Variants in PCDHA4 observed in about 807,000 individuals in gnomAD.
The protein encoded by PCDHA4 is protocadherin alpha-4.
In PCDHA4, 49 loss-of-function variants were observed where a neutral mutation model predicts 61.4. The observed-to-expected ratio is 0.80, with a 90% CI of 0.63 to 1.01. The LOEUF (loss-of-function observed/expected upper bound fraction) is 1.01, where lower values mean the gene tolerates loss of function less well. Ranked by LOEUF, PCDHA4 falls within the 50% of genes least tolerant of loss-of-function variation. PCDHA4 has a pLI of 0.00. For missense variants in PCDHA4, 1,254 were observed against 1,235.8 expected (o/e 1.01, Z -0.22); for synonymous variants, 590 against 550.3 (o/e 1.07, Z -1.01).
chr5:140,828,573 A>T (rs1769832342), intron 1 of PCDHA4: 4 of 1,614,248 alleles, frequency 2.5e-6, no homozygotes, highest in Non-Finnish European at 3.4e-6. Context: ...TCCGATGCAG[A>T]TGTTGGCTCA....
intron 3 of PCDHA4, among the ~76,000 whole-genome samples, chr5:140,986,734 C>T (rs2153854061): frequency 6.6e-6 from 1 of 152,260 alleles, no homozygotes; most frequent in Non-Finnish European, 1.5e-5. Context: ...TCTCAAGACC[C>T]CAGGGGATCT....
At chr5:140,919,014 A>G (rs1008657889) in intron 1 of PCDHA4, among the ~76,000 whole-genome samples, 1 of 152,184 alleles carries the variant, frequency 6.6e-6, no homozygotes, top group Non-Finnish European at 1.5e-5. Context: ...TTCATTTCCT[A>G]GTGATCTTCT....
intron 1 of PCDHA4, chr5:140,869,260 G>A (rs976245495): frequency 6.2e-7 from 1 of 1,613,638 alleles, no homozygotes; most frequent in Non-Finnish European, 8.5e-7. Context: ...GCAGGACCTG[G>A]GGCTGGAGCT....
intron 1 of PCDHA4, chr5:140,881,297 C>T: frequency 4.3e-6 from 4 of 940,924 alleles, no homozygotes; most frequent in Non-Finnish European, 5.1e-6. Flanking sequence ...AAAATGGAAA[C>T]TTTAACCTCC....
intron 1 of PCDHA4, among the ~76,000 whole-genome samples, chr5:140,961,483 G>A (rs1365864551): frequency 6.6e-6 from 1 of 152,090 alleles, no homozygotes; most frequent in Non-Finnish European, 1.5e-5. Context: ...TCTTGTCCAC[G>A]TGAGTATATT....
chr5:140,858,114 T>C, intron 1 of PCDHA4: 1 of 1,597,256 alleles, frequency 6.3e-7, no homozygotes, highest in Non-Finnish European at 8.6e-7. Flanking sequence ...GCGCCCGAGG[T>C]GGCCCTGGTG....
At chr5:140,906,966 G>A (rs1401949243) in intron 1 of PCDHA4, among the ~76,000 whole-genome samples, 5 of 152,120 alleles carry the variant, frequency 3.3e-5, no homozygotes, top group African/African-American at 1.2e-4. Context: ...TGGAATCGTG[G>A]TTGTGTCTTC....
chr5:140,842,850 T>G (rs2150346345), intron 1 of PCDHA4: 1 of 1,593,838 alleles, frequency 6.3e-7, no homozygotes, highest in Non-Finnish European at 8.6e-7. Flanking sequence ...TACATTTCGG[T>G]GCACACGGAG....
Position 140,850,168 on chromosome 5 carries a change from A to G in PCDHA4, c.2385+40596A>G. 6.3e-7 allele frequency: 1 copy of G among 1,594,824 alleles called. No homozygotes were observed. The highest frequency in any genetic ancestry group is 8.6e-7 in the Non-Finnish European group (1 of 1,167,786). ...ACGCTGCAGGTGTTCGTGCTGGACGAGAACGACAATGCGCCGGCGCTGCTG... is the reference window on the plus strand; with the variant it reads ...ACGCTGCAGGTGTTCGTGCTGGACGGGAACGACAATGCGCCGGCGCTGCTG... On this transcript the variant is annotated intron_variant, in intron 1 of 3. Coordinates refer to ENST00000530339, the MANE Select transcript of PCDHA4 (RefSeq NM_018907.4).
At chr5:140,840,009 T>C (rs1322278624) in intron 1 of PCDHA4, among the ~76,000 whole-genome samples, 2 of 152,046 alleles carry the variant, frequency 1.3e-5, no homozygotes, top group Admixed American at 6.5e-5. Context: ...ACTGAGAAGA[T>C]TGGCTCATGG....
intron 1 of PCDHA4, among the ~76,000 whole-genome samples, chr5:140,917,087 C>G (rs1275905052): frequency 6.6e-6 from 1 of 152,100 alleles, no homozygotes; most frequent in Non-Finnish European, 1.5e-5. Flanking sequence ...GTAAAGTTCC[C>G]CAGTTGCTGT....
intron 3 of PCDHA4, among the ~76,000 whole-genome samples, chr5:140,986,342 C>G (rs1390823261): frequency 4.6e-5 from 7 of 152,184 alleles, no homozygotes; most frequent in African/African-American, 1.7e-4. Flanking sequence ...ACAGTTGCAG[C>G]CTCTTCTTCA....
Position 140,966,227 on chromosome 5 carries a change from A to T in PCDHA4, c.2386-12722A>T, listed in dbSNP as rs556655692. The T allele has an allele frequency of 3.7e-5, 10 of 270,804 alleles. No individual in the cohort carries two copies. The South Asian group carries it at 1.7e-3, about 46-fold the overall frequency. 16.8% of individuals were successfully genotyped at this position (270,804 alleles called of 1,614,324 possible). On this transcript the variant is annotated intron_variant, in intron 1 of 3. Coordinates refer to ENST00000530339, the MANE Select transcript of PCDHA4 (RefSeq NM_018907.4). ...CTGCTTTTCCCAGACTAATCTCCTT[A>T]AAGACCCGTTAAGCAGGGGAGAGAC...
In PCDHA4 at chr5:140,829,909, G is replaced by C. The variant is rs1299883375; in HGVS notation, c.2385+20337G>C. On this transcript the variant is annotated intron_variant, in intron 1 of 3. Transcript: ENST00000530339. ...ACGCCGACTCAGGCTACAACGCGTG[G>C]CTTTCGTATGAGCTGCAGCCCCCGG... 1.9e-6 allele frequency: 3 copies of C among 1,613,992 alleles called. No homozygotes were observed. Among genetic ancestry groups the C allele is most frequent in the Non-Finnish European group, 2.5e-6 (3 of 1,179,904 alleles).
chr5:140,903,431 A>G (rs1431018780), intron 1 of PCDHA4, among the ~76,000 whole-genome samples: 3 of 152,242 alleles, frequency 2.0e-5, no homozygotes, highest in South Asian at 2.1e-4. Context: ...CACAATATGT[A>G]TCAGTGGAAT....
chr5:140,990,990 A>G (rs1269528161), intron 3 of PCDHA4, among the ~76,000 whole-genome samples: 1 of 152,210 alleles, frequency 6.6e-6, no homozygotes, highest in East Asian at 1.9e-4. Flanking sequence ...GACAATAGCT[A>G]CCATTTATTG....
intron 1 of PCDHA4, among the ~76,000 whole-genome samples, chr5:140,938,194 C>T (rs782229712): frequency 5.9e-5 from 9 of 152,206 alleles, no homozygotes; most frequent in South Asian, 2.1e-4. Context: ...AATCCTCCCA[C>T]GCCAGCCTCC....
intron 1 of PCDHA4, chr5:140,862,463 G>C (rs2047375519): frequency 2.7e-6 from 1 of 370,738 alleles, no homozygotes. Flanking sequence ...TGGACCAAGA[G>C]AGCAAATCTA....
Position 140,968,579 on chromosome 5 carries a change from A to G in PCDHA4, c.2386-10370A>G, listed in dbSNP as rs1554230883. On this transcript the variant is annotated intron_variant, in intron 1 of 3. Coordinates refer to ENST00000530339, the MANE Select transcript of PCDHA4 (RefSeq NM_018907.4). ...AACTGCCCCTGCTGGCTACCTGGTCACCAAAGTCATAGCTATGGACTCAGA... is the reference window on the plus strand; with the variant it reads ...AACTGCCCCTGCTGGCTACCTGGTCGCCAAAGTCATAGCTATGGACTCAGA... 6 of 1,614,182 alleles carry G rather than the reference A, an allele frequency of 3.7e-6. No homozygotes were observed. The highest frequency in any genetic ancestry group is 5.1e-6 in the Non-Finnish European group (6 of 1,180,042).
Sources: allele counts gnomAD v4.1 joint callset (sites outside exome capture counted in the v4.1 genomes callset), GRCh38; gene constraint gnomAD v4.1.1; transcripts MANE v1.5; gene names NCBI Gene and HGNC (gene_info 2026-07-23, HGNC 2026-07-21).